Variants in RBMX observed in about 807,000 individuals in gnomAD.
The protein encoded by RBMX is RNA-binding motif protein, X chromosome.
A neutral mutation model predicts 29.3 loss-of-function variants in RBMX; 1 was observed. The observed-to-expected ratio is 0.03, with a 90% CI of 0.01 to 0.16. The LOEUF is 0.16. Ranked by LOEUF, RBMX falls within the 10% of genes least tolerant of loss-of-function variation. The pLI is 1.00. For synonymous variants in RBMX, 102 were observed against 102.3 expected (o/e 1.00, Z 0.02); for missense variants, 121 against 333.2 (o/e 0.36, Z 4.96).
intron 5 of RBMX, among the ~76,000 whole-genome samples, chrX:136,875,863 G>A (rs1310297103): frequency 2.8e-5 from 3 of 108,373 alleles, no homozygotes; most frequent in Non-Finnish European, 5.7e-5. Flanking sequence ...GTGCAGTCGC[G>A]CAATCTTGGC....
At chrX:136,873,196 G>T (rs1055593257), downstream of RBMX, 4 of 112,503 alleles carry the variant, frequency 3.6e-5, no homozygotes, top group African/African-American at 1.3e-4. Context: ...TATGAGGAAG[G>T]TAAGTGTTCA....
intron 3 of RBMX, among the ~76,000 whole-genome samples, chrX:136,878,744 T>TAAA (rs2077765673): frequency 2.3e-5 from 1 of 43,317 alleles, no homozygotes. Context: ...AGGGAGACTA[T>TAAA]CAAAAAAAAA....
intron 4 of RBMX, 30 bp downstream of exon 4, chrX:136,877,885 A>C: frequency 8.7e-7 from 1 of 1,145,140 alleles, no homozygotes; most frequent in Non-Finnish European, 1.2e-6. Context: ...TAACTTATAC[A>C]CCAAACCCGA....
At chrX:136,870,949 A>AAAG, downstream of RBMX, among the ~76,000 whole-genome samples, 1 of 107,140 alleles carries the variant, frequency 9.3e-6, no homozygotes, top group African/African-American at 3.4e-5. Context: ...CTAAAAATAC[A>AAAG]AATAATAATA....
At chrX:136,871,803 C>T (rs956039289), downstream of RBMX, among the ~76,000 whole-genome samples, 7 of 95,575 alleles carry the variant, frequency 7.3e-5, no homozygotes, top group Non-Finnish European at 1.3e-4. Flanking sequence ...CACACCACCA[C>T]GCCCGGTGTT....
At chrX:136,878,249 G>T (rs2077755728) in intron 3 of RBMX, among the ~76,000 whole-genome samples, 163 bp from the exon 4 acceptor site, 1 of 111,018 alleles carries the variant, frequency 9.0e-6, no homozygotes, top group Non-Finnish European at 1.9e-5. Flanking sequence ...ACATAAATGG[G>T]GCTTTTCCGC....
chrX:136,872,507 T>C (rs777273793), downstream of RBMX: 3 of 473,763 alleles, frequency 6.3e-6, no homozygotes, highest in South Asian at 3.3e-5. Flanking sequence ...GAAGATTCAC[T>C]GGCTCGGGAT....
At chrX:136,872,885 AT>A (rs1004777469), downstream of RBMX, 1 of 111,302 alleles carries the variant, frequency 9.0e-6, no homozygotes, top group Non-Finnish European at 1.9e-5. Flanking sequence ...CATTTCCTAT[AT>A]TGACTAAAAG....
chrX:136,875,296 A>G lies in RBMX; in HGVS notation c.744T>C (p.His248=). The G allele has an allele frequency of 8.3e-7, 1 of 1,212,015 alleles. No homozygotes were observed. The highest frequency in any genetic ancestry group is 2.2e-5 in the Admixed American group (1 of 46,068). The change falls in exon 7 of 9, where the codon CAT becomes CAC. Residue 248 remains histidine (H), a synonymous_variant. Coordinates refer to ENST00000320676, the MANE Select transcript of RBMX (RefSeq NM_002139.4). ...ATGGATAGTCATCACGTGAACTGGA[A>G]TGACCATAATCACGGTAAGTATAAT... The part of the protein sequence containing the change: ...PRDYTYRDYG[H]SSSRDDYPSR...
rs2279166 is a variant in RBMX, at chrX:136,879,545, A to G, written c.-26-92T>C. On this transcript the variant is annotated intron_variant, in intron 1 of 8. Coordinates refer to ENST00000320676, the MANE Select transcript of RBMX (RefSeq NM_002139.4). ...TCGCACATTTCTCATATTTTCCACT[A>G]AAACCATTGTTCCTTAATAACTAAA... 1,970 of 765,417 alleles carry G rather than the reference A, an allele frequency of 2.6e-3. 45 individuals carry two copies. In the East Asian group the frequency reaches 0.062, roughly 24 times the overall value. The allele number at this position is 765,417 out of a possible 1,213,427, so 63.1% of individuals were successfully genotyped here.
At chrX:136,875,903 G>A (rs769122331) in intron 5 of RBMX, among the ~76,000 whole-genome samples, 7 of 109,073 alleles carry the variant, frequency 6.4e-5, no homozygotes, top group Middle Eastern at 4.7e-3. Flanking sequence ...CTGGGTTCAA[G>A]TGATTCTCCT....
At chrX:136,877,880 T>G (rs764118887) in intron 4 of RBMX, 35 bp downstream of exon 4, 1 of 1,135,880 alleles carries the variant, frequency 8.8e-7, no homozygotes, top group East Asian at 3.1e-5. Context: ...GTCCCTAACT[T>G]ATACACCAAA....
At chrX:136,871,810 TG>T (rs1256028321), downstream of RBMX, among the ~76,000 whole-genome samples, 2 of 75,668 alleles carry the variant, frequency 2.6e-5, no homozygotes, top group Non-Finnish European at 6.1e-5. Context: ...CCACGCCCGG[TG>T]TTTTTTTTTT....
downstream of RBMX, chrX:136,872,463 A>G (rs1215132106): frequency 1.7e-6 from 1 of 601,011 alleles, no homozygotes; most frequent in South Asian, 2.8e-5. Context: ...GCAGCTTAAT[A>G]TATTTCATGT....
chrX:136,876,737 TCTCA>T (rs1433221789), intron 4 of RBMX, 82 bp from the exon 5 acceptor site: 4 of 838,565 alleles, frequency 4.8e-6, no homozygotes, highest in Non-Finnish European at 4.8e-6. Flanking sequence ...TTTTTGAGAG[TCTCA>T]CTGTCGCCCA....
At position 136,875,544 on chromosome X, in the gene RBMX, G is replaced by T; in HGVS notation, c.583C>A (p.Arg195=). ...CTACGAGAGGGCAGCGGTTCCCTTC[G>T]AGGTGGACCTCCATAACTATCTCTT... ...RGRDSYGGPP[R]REPLPSRRDV... Residue 195 remains arginine (R), a synonymous_variant, in exon 6 of 9, where the codon CGA becomes AGA. Coordinates refer to ENST00000320676, the MANE Select transcript of RBMX (RefSeq NM_002139.4). 8.3e-7 allele frequency: 1 copy of T among 1,211,424 alleles called. No individual in the cohort carries two copies.
At chrX:136,878,771 G>A (rs1046125542) in intron 3 of RBMX, among the ~76,000 whole-genome samples, 3 of 104,441 alleles carry the variant, frequency 2.9e-5, no homozygotes, top group Non-Finnish European at 5.8e-5. Context: ...AAAGTACCAT[G>A]TAATGCCATA....
At chrX:136,875,621 G>A in intron 5 of RBMX, 36 bp from the exon 6 acceptor site, 2 of 1,187,097 alleles carry the variant, frequency 1.7e-6, no homozygotes, top group Non-Finnish European at 2.3e-6. Context: ...AACATAGCCA[G>A]AGAAAAAAGT....
downstream of RBMX, chrX:136,872,683 C>G: frequency 5.5e-6 from 1 of 181,506 alleles, no homozygotes; most frequent in Non-Finnish European, 1.0e-5. Flanking sequence ...TTACTATATT[C>G]AAGAGCATCT....
Sources: gnomAD v4.1 joint callset for allele counts (sites outside exome capture counted in the v4.1 genomes callset) on GRCh38, gnomAD v4.1.1 for gene constraint, MANE v1.5 for transcripts, NCBI Gene and HGNC (gene_info 2026-07-23, HGNC 2026-07-21) for gene names.